Variants in LMO2 observed in about 807,000 individuals in gnomAD.
LMO2 encodes rhombotin-2.
LMO2 carries 20 observed loss-of-function variants against 23.2 expected under a neutral mutation model. The observed-to-expected ratio is 0.86, with a 90% CI of 0.61 to 1.25. LMO2 has a LOEUF of 1.25. Ranked by LOEUF, LMO2 falls within the 50% of genes most tolerant of loss-of-function variation. The pLI is 0.00. For missense variants in LMO2, 270 were observed against 315.3 expected (o/e 0.86, Z 1.09); for synonymous variants, 123 against 130.2 (o/e 0.94, Z 0.38).
Position 33,859,451 on chromosome 11 carries a change from G to A in LMO2, c.589C>T (p.His197Tyr), listed in dbSNP as rs1856484113. 3 of 1,614,100 alleles carry A rather than the reference G, an allele frequency of 1.9e-6. No homozygotes were observed. Among genetic ancestry groups the A allele is most frequent in the African/African-American group, 1.3e-5 (1 of 75,034 alleles). ...ECFKCAACQKHFCVGDRYLLI... is the reference protein window; with the variant it reads ...ECFKCAACQKYFCVGDRYLLI... ...AGGTATCTGTCACCTACACAGAAAT[G>A]CTTCTGACAGGCGGCGCATTTGAAA... Residue 197 changes from histidine to tyrosine, a missense_variant, in exon 6 of 6, where the codon CAT becomes TAT. Physicochemically the swap from His to Tyr is moderately conservative, Grantham distance 83. This residue lies in a region of LMO2 where 100 missense variants were observed against 153.3 expected (regional missense o/e 0.65). Transcript: ENST00000257818.
chr11:33,872,440 A>G (rs924720897), intron 2 of LMO2, among the ~76,000 whole-genome samples: 1 of 152,234 alleles, frequency 6.6e-6, no homozygotes, highest in African/African-American at 2.4e-5. Flanking sequence ...TGGGGGTAAT[A>G]ACAGATATGA....
intron 2 of LMO2, among the ~76,000 whole-genome samples, chr11:33,870,850 C>T (rs1364384915): frequency 6.6e-6 from 1 of 152,128 alleles, no homozygotes; most frequent in Non-Finnish European, 1.5e-5. Flanking sequence ...TCAGGCTTCC[C>T]CCTCTCAGCC....
At chr11:33,866,354 G>T (rs1485289235) in intron 4 of LMO2, among the ~76,000 whole-genome samples, 1 of 152,170 alleles carries the variant, frequency 6.6e-6, no homozygotes, top group Non-Finnish European at 1.5e-5. Context: ...AAAAAAAATG[G>T]CCAGGTACAG....
intron 1 of LMO2, among the ~76,000 whole-genome samples, chr11:33,887,551 T>G (rs988919663): frequency 6.6e-6 from 1 of 151,422 alleles, no homozygotes; most frequent in African/African-American, 2.4e-5. Context: ...TTTTTTTTTT[T>G]TTTTTTTTTT....
intron 2 of LMO2, among the ~76,000 whole-genome samples, chr11:33,878,989 T>C (rs16924902): frequency 0.022 from 3,342 of 152,340 alleles, 122 homozygotes; most frequent in African/African-American, 0.077. Flanking sequence ...TTCACACTGA[T>C]ATTTACAAAG....
intron 2 of LMO2, chr11:33,881,372 A>T (rs1380329705): frequency 2.2e-6 from 1 of 456,704 alleles, no homozygotes; most frequent in Non-Finnish European, 4.4e-6. Flanking sequence ...TGCAAAATGA[A>T]CCAAATCTTG....
intron 5 of LMO2, among the ~76,000 whole-genome samples, chr11:33,859,927 C>T (rs1054879002): frequency 6.6e-6 from 1 of 152,142 alleles, no homozygotes; most frequent in Non-Finnish European, 1.5e-5. Context: ...CTGTCCCCTC[C>T]CAGGGGAACC....
chr11:33,859,503 C>T lies in LMO2; in HGVS notation c.537G>A (p.Val179=), dbSNP rs776967628. The T allele has an allele frequency of 2.9e-5, 47 of 1,614,032 alleles. No individual in the cohort carries two copies. The highest frequency in any genetic ancestry group is 4.0e-5 in the Non-Finnish European group (47 of 1,180,038). The part of the protein sequence containing the change: ...RIRAYEMTMR[V]KDKVYHLECF... ...ATTCCAGGTGATACACTTTGTCTTTCACCCGCATTGTCATCTCATAGGCAC... is the reference window on the plus strand; with the variant it reads ...ATTCCAGGTGATACACTTTGTCTTTTACCCGCATTGTCATCTCATAGGCAC... Residue 179 remains valine (V), a synonymous_variant, in exon 6 of 6, where the codon GTG becomes GTA. Transcript: ENST00000257818.
At chr11:33,870,070 C>CTTTT (rs10608793) in intron 2 of LMO2, 83 bp from the exon 3 acceptor site, 5 of 237,872 alleles carry the variant, frequency 2.1e-5, no homozygotes, top group Non-Finnish European at 3.2e-5. Context: ...TTTTTTCTTC[C>CTTTT]TTTTTTTTTT....
At chr11:33,887,621 T>C (rs116501171) in intron 1 of LMO2, among the ~76,000 whole-genome samples, 1,527 of 151,438 alleles carry the variant, frequency 0.01, 30 homozygotes, top group African/African-American at 0.036. Context: ...TGTGGTTCAC[T>C]GCAGCCTTGA....
rs532062883 is a variant in LMO2 at position 33,864,371 on chromosome 11, T to C, written c.464+231A>G. On this transcript the variant is annotated intron_variant, in intron 5 of 5. Transcript: ENST00000257818. The surrounding 1 kb of genome is among the most constrained non-coding windows in gnomAD (Gnocchi z 4.8). ...TACAATTCTCTTGCCTTTAAAGATA[T>C]TAGTATTTTACCACATAGGAACGTA... 2.8e-4 allele frequency among the ~76,000 whole-genome samples: 42 copies of C among 152,164 alleles called. No homozygotes were observed. Among genetic ancestry groups the C allele is most frequent in the Non-Finnish European group, 1.0e-4 (7 of 68,026 alleles).
chr11:33,872,756 ATTTG>A (rs781051019), intron 2 of LMO2, among the ~76,000 whole-genome samples: 2 of 149,854 alleles, frequency 1.3e-5, no homozygotes, highest in Non-Finnish European at 2.9e-5. Context: ...CTTGGGTGTT[ATTTG>A]TTTGTTTGTT....
intron 1 of LMO2, among the ~76,000 whole-genome samples, chr11:33,888,848 G>A (rs892523679): frequency 2.6e-5 from 4 of 152,154 alleles, no homozygotes; most frequent in East Asian, 3.8e-4. Flanking sequence ...TGTATGAGGC[G>A]CCCAGTAAAC....
chr11:33,881,507 G>A (rs879178358), intron 2 of LMO2: 13 of 418,142 alleles, frequency 3.1e-5, no homozygotes, highest in South Asian at 2.3e-4. Flanking sequence ...CGGAATGGTA[G>A]CAAGTCATCT....
At chr11:33,873,748 TAGA>T (rs1857076316) in intron 2 of LMO2, among the ~76,000 whole-genome samples, 2 of 151,214 alleles carry the variant, frequency 1.3e-5, no homozygotes, top group Non-Finnish European at 2.9e-5. Flanking sequence ...ATAAGAATGC[TAGA>T]AGAAGAATGA....
intron 2 of LMO2, chr11:33,870,210 G>T: frequency 2.3e-6 from 1 of 429,830 alleles, no homozygotes; most frequent in Non-Finnish European, 3.1e-6. Context: ...TTGGAAAGGA[G>T]GCTGGGCAAC....
At chr11:33,860,620 C>T (rs1472343390) in intron 5 of LMO2, among the ~76,000 whole-genome samples, 7 of 151,942 alleles carry the variant, frequency 4.6e-5, no homozygotes, top group African/African-American at 1.2e-4. Flanking sequence ...AAAAATTAGC[C>T]GGGTGCGGTG....
At chr11:33,873,526 C>A (rs996626496) in intron 2 of LMO2, among the ~76,000 whole-genome samples, 1 of 152,158 alleles carries the variant, frequency 6.6e-6, no homozygotes, top group Non-Finnish European at 1.5e-5. Flanking sequence ...ATTGTATCCT[C>A]CCTTAACAAC....
At chr11:33,874,253 A>T (rs1362363964) in intron 2 of LMO2, among the ~76,000 whole-genome samples, 1 of 152,224 alleles carries the variant, frequency 6.6e-6, no homozygotes, top group African/African-American at 2.4e-5. Context: ...TGATAAACAG[A>T]TTCGGTTTTC....
Sources: allele counts gnomAD v4.1 joint callset (sites outside exome capture counted in the v4.1 genomes callset), GRCh38; gene constraint gnomAD v4.1.1; regional missense constraint gnomAD v4.1.1; non-coding constraint Gnocchi (gnomAD v3.1); transcripts MANE v1.5; gene names NCBI Gene and HGNC (gene_info 2026-07-23, HGNC 2026-07-21).